Variants in IFT88 observed in about 807,000 individuals in gnomAD.
IFT88 encodes the protein intraflagellar transport protein 88 homolog.
IFT88 carries 74 observed loss-of-function variants against 119.5 expected under a neutral mutation model. The ratio of observed to expected loss-of-function variants is 0.62; its 90% CI spans 0.51 to 0.75. The LOEUF (loss-of-function observed/expected upper bound fraction) is 0.75. Among genes scored for constraint, IFT88 ranks in the 30% least tolerant of loss-of-function variants. The pLI is 0.00. For synonymous variants in IFT88, 279 were observed against 316.7 expected, an observed-to-expected ratio of 0.88 and a Z score of 1.26; for missense variants, 961 against 977.7, an observed-to-expected ratio of 0.98 and a Z score of 0.23.
At position 20,580,381 on chromosome 13, in the gene IFT88, G is replaced by A. The variant is rs146119975; in HGVS notation, c.91-2576G>A. On this transcript the variant is annotated intron_variant, in intron 2 of 25. Coordinates refer to ENST00000351808, the MANE Select transcript of IFT88 (RefSeq NM_006531.5). Reference sequence around the variant, plus strand: ...AAAATACAAAAATTAGCCAGCCGTGGTGGCGGGCACCTGTAATCTCAGCTG... The same window carrying A: ...AAAATACAAAAATTAGCCAGCCGTGATGGCGGGCACCTGTAATCTCAGCTG... Among the ~76,000 whole-genome samples the A allele has an allele frequency of 1.1e-4, 17 of 152,204 alleles. No homozygotes were observed. The East Asian group carries it at 3.1e-3, about 28-fold the overall frequency.
At chr13:20,686,253 A>G (rs943041038) in intron 24 of IFT88, among the ~76,000 whole-genome samples, 4 of 152,256 alleles carry the variant, frequency 2.6e-5, no homozygotes, top group Admixed American at 6.5e-5. Flanking sequence ...TAATCATCAC[A>G]CAATGTAGTT....
At chr13:20,567,402 C>G (rs996051314) in intron 1 of IFT88, 146 bp downstream of exon 1, 1 of 152,402 alleles carries the variant, frequency 6.6e-6, no homozygotes, top group Non-Finnish European at 1.5e-5. Flanking sequence ...AGGCGGGGCC[C>G]CAGATGGACT....
chr13:20,624,220 CTCT>C (rs1370658538), intron 14 of IFT88, among the ~76,000 whole-genome samples: 1 of 152,008 alleles, frequency 6.6e-6, no homozygotes, highest in Non-Finnish European at 1.5e-5. Context: ...TTGTTCAGAC[CTCT>C]TTTTTTTTCT....
chr13:20,687,022 C>CAA lies in IFT88; in HGVS notation c.2243-3657_2243-3656dup, dbSNP rs370247448. On this transcript the variant is annotated intron_variant, in intron 24 of 25. Transcript: ENST00000351808. The stretch of plus-strand genomic sequence containing the variant: ...CCCAGCTTAAAAGTCACTTTCTTAC[C>CAA]AAAAAAAAAAAAAAAAAAAAAAAAA... 7.8e-3 allele frequency among the ~76,000 whole-genome samples: 464 copies of CAA among 59,764 alleles called. 25 individuals carry two copies. The highest frequency in any genetic ancestry group is 0.02 in the African/African-American group (417 of 21,060). The allele number at this position is 59,764 out of a possible 152,430, so 39.2% of individuals were successfully genotyped here. A position where few individuals can be genotyped will look rare whatever the true frequency, so the allele number is the denominator to read the frequency against.
In IFT88 at chr13:20,592,416, C is replaced by T; in HGVS notation, c.398+12C>T. The T allele has an allele frequency of 6.4e-7, 1 of 1,573,006 alleles. No individual in the cohort carries two copies. The highest frequency in any genetic ancestry group is 8.6e-7 in the Non-Finnish European group (1 of 1,160,160). Reference sequence around the variant, plus strand: ...AAGAAAAAAGATAGGTATGTAAGTCCTTATGTTGTTGTTTGTTGTTGTTGC... The same window carrying T: ...AAGAAAAAAGATAGGTATGTAAGTCTTTATGTTGTTGTTTGTTGTTGTTGC... On this transcript the variant is annotated intron_variant, in intron 7 of 25. Transcript: ENST00000351808.
intron 16 of IFT88, among the ~76,000 whole-genome samples, chr13:20,637,031 A>G (rs1281151315): frequency 6.6e-6 from 1 of 152,254 alleles, no homozygotes; most frequent in Non-Finnish European, 1.5e-5. Context: ...GCTAAGTGAA[A>G]GAAGTCAGAC....
At chr13:20,686,987 G>T (rs1330560315) in intron 24 of IFT88, among the ~76,000 whole-genome samples, 1 of 132,114 alleles carries the variant, frequency 7.6e-6, no homozygotes, top group Non-Finnish European at 1.5e-5. Context: ...TACAGGCTCA[G>T]GCCACCACAC....
At chr13:20,643,328 C>T in intron 18 of IFT88, 127 bp from the exon 19 acceptor site, 1 of 679,376 alleles carries the variant, frequency 1.5e-6, no homozygotes, top group Non-Finnish European at 2.4e-6. Flanking sequence ...CTGAGATATC[C>T]AGAGGAAACA....
intron 13 of IFT88, among the ~76,000 whole-genome samples, chr13:20,613,010 T>C (rs2044862155): frequency 6.6e-6 from 1 of 152,074 alleles, no homozygotes; most frequent in Non-Finnish European, 1.5e-5. Context: ...AAGAGAAATA[T>C]CATTGACTGT....
At chr13:20,660,266 C>T (rs569612765) in intron 22 of IFT88, among the ~76,000 whole-genome samples, 196 of 152,112 alleles carry the variant, frequency 1.3e-3, no homozygotes, top group Non-Finnish European at 1.7e-3. Flanking sequence ...CAAGCCATGA[C>T]GATATGGAGG....
intron 2 of IFT88, among the ~76,000 whole-genome samples, chr13:20,575,529 G>T (rs995781492): frequency 6.6e-6 from 1 of 152,106 alleles, no homozygotes; most frequent in Non-Finnish European, 1.5e-5. Flanking sequence ...GGTGGGAGGC[G>T]ATAGGATCAT....
intron 22 of IFT88, among the ~76,000 whole-genome samples, chr13:20,661,767 C>A (rs2053839757): frequency 1.3e-5 from 2 of 151,262 alleles, no homozygotes; most frequent in African/African-American, 4.9e-5. Context: ...TGTACAAGAA[C>A]AAAGAGATAA....
rs144887638 is a variant in IFT88 at position 20,578,329 on chromosome 13, G to A, written c.90+3854G>A. On this transcript the variant is annotated intron_variant, in intron 2 of 25. Coordinates refer to ENST00000351808, the MANE Select transcript of IFT88 (RefSeq NM_006531.5). ...CCCAAAGTGCTGGGATTACAGGCGT[G>A]AGTCATTGAGCCTGGCCCAGTCTTG... Among the ~76,000 whole-genome samples, 285 of 145,418 alleles carry A rather than the reference G, an allele frequency of 2.0e-3. 2 individuals are homozygous for A. Among genetic ancestry groups the A allele is most frequent in the African/African-American group, 6.9e-3 (273 of 39,406 alleles).
At chr13:20,602,264 G>C (rs1266042174) in intron 12 of IFT88, among the ~76,000 whole-genome samples, 1 of 138,168 alleles carries the variant, frequency 7.2e-6, no homozygotes, top group African/African-American at 2.7e-5. Context: ...GAGTGCAGTG[G>C]TGCAGTCTCA....
In IFT88 at chr13:20,691,088, A is replaced by G; in HGVS notation, c.2388A>G (p.Ile796Met). 6.2e-7 allele frequency: 1 copy of G among 1,614,126 alleles called. No individual in the cohort carries two copies. The highest frequency in any genetic ancestry group is 8.5e-7 in the Non-Finnish European group (1 of 1,179,984). ...ATGTGGACCCACTTGGCCCTCAAATAGAACGACCAAAAACTGCAGCCAAGA... is the reference window on the plus strand; with the variant it reads ...ATGTGGACCCACTTGGCCCTCAAATGGAACGACCAAAAACTGCAGCCAAGA... ...ASYVDPLGPQ[I>M]ERPKTAAKKR... is the part of the protein sequence containing the mutation. The change falls in exon 26 of 26, where the codon ATA becomes ATG. Residue 796 changes from isoleucine (I) to methionine (M), a missense_variant. Physicochemically the swap from Ile to Met is conservative, Grantham distance 10. Transcript: ENST00000351808.
Position 20,684,822 on chromosome 13 carries a change from G to T in IFT88, c.2243-5883G>T, listed in dbSNP as rs187385090. ...AGGGATTGCTTAAGAGTACTCGGGT[G>T]TTCCCCAGCGTAGTTCCACGTTCTC... is the stretch of plus-strand genomic sequence containing the variant. On this transcript the variant is annotated intron_variant, in intron 24 of 25. Coordinates refer to ENST00000351808, the MANE Select transcript of IFT88 (RefSeq NM_006531.5). Among the ~76,000 whole-genome samples the T allele has an allele frequency of 7.7e-4, 117 of 152,350 alleles. 2 individuals carry two copies. The South Asian group carries it at 0.021, about 27-fold the overall frequency.
At chr13:20,661,781 A>T (rs2053843385) in intron 22 of IFT88, among the ~76,000 whole-genome samples, 1 of 152,166 alleles carries the variant, frequency 6.6e-6, no homozygotes, top group Non-Finnish European at 1.5e-5. Context: ...GAGATAATTA[A>T]ATTTTAGGAA....
At chr13:20,689,546 G>A (rs1318328139) in intron 24 of IFT88, among the ~76,000 whole-genome samples, 1 of 152,160 alleles carries the variant, frequency 6.6e-6, no homozygotes, top group Admixed American at 6.5e-5. Context: ...AAAGAACTGT[G>A]TATGCCCTTG....
At chr13:20,668,701 C>T (rs531801501) in intron 23 of IFT88, among the ~76,000 whole-genome samples, 6 of 152,240 alleles carry the variant, frequency 3.9e-5, no homozygotes, top group South Asian at 2.1e-4. Context: ...TGGAGCCAGT[C>T]CCGACCAGGG....
Sources: gnomAD v4.1 joint callset for allele counts (sites outside exome capture counted in the v4.1 genomes callset) on GRCh38, gnomAD v4.1.1 for gene constraint, MANE v1.5 for transcripts, NCBI Gene and HGNC (gene_info 2026-07-23, HGNC 2026-07-21) for gene names.